The following CCNB3 variants were observed in gnomAD, a reference collection of about 807,000 sequenced individuals.
The protein encoded by CCNB3 is G2/mitotic-specific cyclin-B3.
In CCNB3, 12 loss-of-function variants were observed where a neutral mutation model predicts 68.0. The ratio of observed to expected loss-of-function variants is 0.18; its 90% CI spans 0.11 to 0.29. CCNB3 has a LOEUF of 0.29. Among genes scored for constraint, CCNB3 ranks in the 10% least tolerant of loss-of-function variants. The probability of loss-of-function intolerance (pLI) is 1.00; values close to 1 mark genes in which losing one functional copy is unlikely to be tolerated. For missense variants in CCNB3, 904 were observed against 993.1 expected (o/e 0.91, Z 1.21); for synonymous variants, 354 against 388.9 (o/e 0.91, Z 1.06).
intron 1 of CCNB3, among the ~76,000 whole-genome samples, chrX:50,226,443 A>ATATG (rs1935806196): frequency 1.3e-4 from 9 of 71,860 alleles, no homozygotes; most frequent in African/African-American, 5.2e-4. Flanking sequence ...AAAAATATAT[A>ATATG]TAGAATATAT....
At chrX:50,346,428 A>G (rs926463717) in intron 9 of CCNB3, among the ~76,000 whole-genome samples, 3 of 111,384 alleles carry the variant, frequency 2.7e-5, no homozygotes, top group African/African-American at 9.8e-5. Context: ...CCTATCCTCT[A>G]TCTGGTGGTG....
intron 1 of CCNB3, among the ~76,000 whole-genome samples, chrX:50,281,210 C>A (rs1038231120): frequency 1.8e-5 from 2 of 111,673 alleles, no homozygotes; most frequent in Admixed American, 9.6e-5. Flanking sequence ...TCCTGTTAGG[C>A]TTTCGCGTGT....
chrX:50,280,347 C>T (rs1936115136), intron 1 of CCNB3, among the ~76,000 whole-genome samples: 1 of 101,144 alleles, frequency 9.9e-6, no homozygotes. Context: ...ATTCTAGTTC[C>T]TGGCACAAAT....
At chrX:50,225,864 A>G (rs1179689785) in intron 1 of CCNB3, among the ~76,000 whole-genome samples, 1 of 105,200 alleles carries the variant, frequency 9.5e-6, no homozygotes, top group Non-Finnish European at 1.9e-5. Context: ...GATGTGGAGT[A>G]GTAATTTGGA....
chrX:50,299,560 G>T (rs1223119552), intron 5 of CCNB3, among the ~76,000 whole-genome samples: 8 of 110,941 alleles, frequency 7.2e-5, no homozygotes, highest in African/African-American at 2.6e-4. Context: ...CAACTATGTG[G>T]TCAATTTTGG....
In CCNB3 at chrX:50,335,983, A is replaced by G. The variant is rs782565553; in HGVS notation, c.3517-6219A>G. On this transcript the variant is annotated intron_variant, in intron 8 of 12. Coordinates refer to ENST00000376042, the MANE Select transcript of CCNB3 (RefSeq NM_033031.3). ...AACTCCTGTTGCTCTGATTATATCAATGGTTTCCTTGGATAAGGGGGTGAC... is the reference window on the plus strand; with the variant it reads ...AACTCCTGTTGCTCTGATTATATCAGTGGTTTCCTTGGATAAGGGGGTGAC... Among the ~76,000 whole-genome samples the G allele has an allele frequency of 2.7e-5, 3 of 111,220 alleles. No homozygotes were observed. In the Admixed American group the frequency reaches 2.9e-4, roughly 11 times the overall value.
intron 8 of CCNB3, among the ~76,000 whole-genome samples, chrX:50,321,555 T>C (rs1034016711): frequency 1.1e-4 from 12 of 111,741 alleles, no homozygotes; most frequent in Non-Finnish European, 2.1e-4. Context: ...ATGACACCTT[T>C]ATCATAATAC....
intron 1 of CCNB3, among the ~76,000 whole-genome samples, chrX:50,227,428 T>C (rs1935894329): frequency 2.3e-5 from 2 of 87,780 alleles, no homozygotes; most frequent in African/African-American, 8.4e-5. Flanking sequence ...TTTATAAATA[T>C]ATACAGAGAA....
chrX:50,350,745 G>C (rs1259238828), intron 11 of CCNB3, among the ~76,000 whole-genome samples: 1 of 109,107 alleles, frequency 9.2e-6, no homozygotes, highest in African/African-American at 3.4e-5. Context: ...ACCCAGGCTG[G>C]AGTGCAGTGG....
intron 9 of CCNB3, 134 bp from the exon 10 acceptor site, chrX:50,346,518 G>A (rs1923409851): frequency 3.1e-6 from 2 of 648,889 alleles, no homozygotes; most frequent in East Asian, 3.4e-5. Flanking sequence ...ACATCAACCA[G>A]AAGCTGAGTC....
At chrX:50,323,392 G>A (rs1409481618) in intron 8 of CCNB3, among the ~76,000 whole-genome samples, 1 of 93,692 alleles carries the variant, frequency 1.1e-5, no homozygotes, top group South Asian at 7.1e-4. Context: ...ACAGGAAGGG[G>A]AACATCACAC....
At chrX:50,298,369 T>G (rs1936529948) in intron 5 of CCNB3, among the ~76,000 whole-genome samples, 1 of 111,786 alleles carries the variant, frequency 8.9e-6, no homozygotes, top group Admixed American at 9.5e-5. Flanking sequence ...CAAAGGCCTT[T>G]TCTGCATCTA....
At chrX:50,211,594 C>T (rs1215119487) in intron 1 of CCNB3, among the ~76,000 whole-genome samples, 1 of 111,214 alleles carries the variant, frequency 9.0e-6, no homozygotes, top group African/African-American at 3.3e-5. Context: ...GTGGGAGGAT[C>T]GCTTGAGCCC....
intron 8 of CCNB3, among the ~76,000 whole-genome samples, chrX:50,337,442 G>T (rs1310671630): frequency 9.0e-6 from 1 of 110,586 alleles, no homozygotes; most frequent in African/African-American, 3.3e-5. Flanking sequence ...CACTGTGGGG[G>T]ATCCAAAACT....
At chrX:50,225,950 G>T (rs966206793) in intron 1 of CCNB3, among the ~76,000 whole-genome samples, 87 of 94,008 alleles carry the variant, frequency 9.3e-4, no homozygotes, top group African/African-American at 3.3e-3. Context: ...AACCTAGGGA[G>T]ATTAAAAAGA....
chrX:50,324,285 G>A (rs1315722728), intron 8 of CCNB3, among the ~76,000 whole-genome samples: 1 of 111,903 alleles, frequency 8.9e-6, no homozygotes, highest in African/African-American at 3.2e-5. Context: ...AACCTCAAAT[G>A]ATCCACCCTC....
intron 4 of CCNB3, among the ~76,000 whole-genome samples, chrX:50,293,311 G>A (rs1557210385): frequency 9.0e-6 from 1 of 110,560 alleles, no homozygotes; most frequent in Non-Finnish European, 1.9e-5. Context: ...TTTTCAAAAA[G>A]CCAGCTCCTG....
chrX:50,336,860 G>A (rs782005713), intron 8 of CCNB3, among the ~76,000 whole-genome samples: 5 of 111,116 alleles, frequency 4.5e-5, no homozygotes, highest in Admixed American at 9.6e-5. Context: ...CTTAGTTGCC[G>A]CCTGGAGCAC....
chrX:50,321,612 A>G (rs1367014617), intron 8 of CCNB3, among the ~76,000 whole-genome samples: 2 of 110,812 alleles, frequency 1.8e-5, no homozygotes, highest in East Asian at 5.6e-4. Context: ...CTATTTGTCT[A>G]CTCTAACATC....
Sources: allele counts gnomAD v4.1 joint callset (sites outside exome capture counted in the v4.1 genomes callset), GRCh38; gene constraint gnomAD v4.1.1; transcripts MANE v1.5; gene names NCBI Gene and HGNC (gene_info 2026-07-23, HGNC 2026-07-21).